The following RPL18 variants were observed in gnomAD, a reference collection of about 807,000 sequenced individuals.
RPL18 encodes ribosomal protein L18.
A neutral mutation model predicts 25.0 loss-of-function variants in RPL18; 4 were observed. That is an observed-to-expected ratio of 0.16 (90% CI 0.08 to 0.37). RPL18 has a LOEUF of 0.37. Among genes scored for constraint, RPL18 ranks in the 10% least tolerant of loss-of-function variants. The pLI, the probability that RPL18 is intolerant of heterozygous loss-of-function variation, is 1.00. For missense variants in RPL18, 179 were observed against 267.9 expected (o/e 0.67, Z 2.32); for synonymous variants, 129 against 101.6 (o/e 1.27, Z -1.62).
In RPL18 at chr19:48,616,016, G is replaced by A. The variant is rs911515343; in HGVS notation, c.421+63C>T. The A allele has an allele frequency of 6.8e-6, 11 of 1,613,716 alleles. No individual in the cohort carries two copies. In the East Asian group the frequency reaches 1.1e-4, roughly 16 times the overall value. On this transcript the variant is annotated intron_variant, in intron 5 of 6. Coordinates refer to ENST00000549920, the MANE Select transcript of RPL18 (RefSeq NM_000979.4). ...CCAGCTTCTGGCCTCCCAGATCCAGGAGGGTGAAGGCTGCCAGTAGCCACA... is the reference window on the plus strand; with the variant it reads ...CCAGCTTCTGGCCTCCCAGATCCAGAAGGGTGAAGGCTGCCAGTAGCCACA...
At position 48,617,864 on chromosome 19, in the gene RPL18, C is replaced by G. The variant is rs753278830; in HGVS notation, c.17G>C (p.Arg6Pro). Residue 6 changes from arginine to proline, a missense_variant, in exon 2 of 7, where the codon CGC becomes CCC. Coordinates refer to ENST00000549920, the MANE Select transcript of RPL18 (RefSeq NM_000979.4). Reference sequence around the variant, plus strand: ...CCGAACCTTTCGGTCCTTGTTATGGCGGATGTCCACTCCCTGTGGGGGTGA... The same window carrying G: ...CCGAACCTTTCGGTCCTTGTTATGGGGGATGTCCACTCCCTGTGGGGGTGA... MGVDI[R>P]HNKDRKVRRK... 1.9e-5 allele frequency: 30 copies of G among 1,613,848 alleles called. No homozygotes were observed. The highest frequency in any genetic ancestry group is 2.5e-5 in the Non-Finnish European group (29 of 1,179,750).
intron 2 of RPL18, 135 bp from the exon 3 acceptor site, chr19:48,617,558 G>C: frequency 1.3e-6 from 1 of 757,190 alleles, no homozygotes. Context: ...CCTAGAGGGA[G>C]AAAGCTGGCC....
intron 1 of RPL18, chr19:48,618,244 C>T (rs1241466607): frequency 9.5e-6 from 2 of 210,410 alleles, no homozygotes; most frequent in Admixed American, 1.1e-4. Context: ...AAAACGAATC[C>T]TTATTCAGAA....
intron 4 of RPL18, 153 bp from the exon 5 acceptor site, chr19:48,616,355 T>C: frequency 1.1e-6 from 1 of 888,686 alleles, no homozygotes. Flanking sequence ...GCAGCAGTTC[T>C]CAACACTTCC....
Position 48,616,821 on chromosome 19 carries a change from G to C in RPL18, c.202C>G (p.Arg68Gly), listed in dbSNP as rs374561441. ...RPPLSLSRMIRKMKLPGRENK... is the reference protein window; with the variant it reads ...RPPLSLSRMIGKMKLPGRENK... ...TCCCGGCCAGGAAGCTTCATCTTCC[G>C]GATCTTAGGGTGGGGAGGATGTACG... Residue 68 changes from arginine to glycine, a missense_variant, in exon 4 of 7, where the codon CGG becomes GGG. By Grantham distance (125) the Arg-to-Gly change is moderately radical. Transcript: ENST00000549920. 5 of 1,610,116 alleles carry C rather than the reference G, an allele frequency of 3.1e-6. No homozygotes were observed. The Admixed American group carries it at 5.0e-5, about 16-fold the overall frequency.
intron 4 of RPL18, chr19:48,616,462 G>A: frequency 1.5e-6 from 1 of 670,124 alleles, no homozygotes; most frequent in Non-Finnish European, 2.7e-6. Context: ...AAGGAGTCTA[G>A]ACTTGAGCCC....
intron 6 of RPL18, 25 bp from the exon 7 acceptor site, chr19:48,615,472 G>A (rs1480879021): frequency 2.5e-6 from 4 of 1,587,254 alleles, no homozygotes; most frequent in Admixed American, 1.7e-5. Flanking sequence ...GGGAGTGAGA[G>A]GGGGGCCCTC....
At chr19:48,618,725 G>A (rs1394811754) in intron 1 of RPL18, 2 of 240,680 alleles carry the variant, frequency 8.3e-6, no homozygotes, top group Non-Finnish European at 1.7e-5. Context: ...AGACCTGCCT[G>A]GTCCCCAAAT....
rs11382518 is a variant in RPL18 at position 48,616,995 on chromosome 19, T to TA, written c.199-172dup. Reference sequence around the variant, plus strand: ...AGGTCCAGCTGGGGAAAGCTCCAGATAAAAAAAAAAATGCAGACTGTTCAA... The same window carrying TA: ...AGGTCCAGCTGGGGAAAGCTCCAGATAAAAAAAAAAAATGCAGACTGTTCAA... On this transcript the variant is annotated intron_variant, in intron 3 of 6. Coordinates refer to ENST00000549920, the MANE Select transcript of RPL18 (RefSeq NM_000979.4). 65,177 of 579,556 alleles carry TA rather than the reference T, an allele frequency of 0.11. 1,011 individuals carry two copies. The highest frequency in any genetic ancestry group is 0.21 in the Admixed American group (9,451 of 43,996). 35.9% of individuals were successfully genotyped at this position (579,556 alleles called of 1,614,324 possible).
At chr19:48,618,252 G>A in intron 1 of RPL18, 1 of 203,340 alleles carries the variant, frequency 4.9e-6, no homozygotes, top group Non-Finnish European at 1.0e-5. Flanking sequence ...TCCTTATTCA[G>A]AACCTAGCAA....
In RPL18 at chr19:48,617,134, G is replaced by A. The variant is rs767143218; in HGVS notation, c.198+182C>T. The A allele has an allele frequency of 1.1e-5, 8 of 727,592 alleles. No individual in the cohort carries two copies. In the East Asian group the frequency reaches 1.8e-4, roughly 16 times the overall value. 45.1% of individuals were successfully genotyped at this position (727,592 alleles called of 1,614,324 possible). A position where few individuals can be genotyped will look rare whatever the true frequency, so the allele number is the denominator to read the frequency against. On this transcript the variant is annotated intron_variant, in intron 3 of 6. Coordinates refer to ENST00000549920, the MANE Select transcript of RPL18 (RefSeq NM_000979.4). ...AAAGAGAAGGAGAGGAGGACCAGGA[G>A]ACTTGCCCACTGCCCATGGACACTC...
At chr19:48,615,491 G>T in intron 6 of RPL18, 44 bp from the exon 7 acceptor site, 1 of 1,452,362 alleles carries the variant, frequency 6.9e-7, no homozygotes, top group Non-Finnish European at 9.6e-7. Flanking sequence ...TCTTAAAGGA[G>T]GCCATTGTGG....
chr19:48,616,033 G>C, intron 5 of RPL18, 46 bp downstream of exon 5: 1 of 1,613,936 alleles, frequency 6.2e-7, no homozygotes, highest in East Asian at 2.2e-5. Flanking sequence ...AAGGCTGCCA[G>C]TAGCCACACA....
chr19:48,616,320 CT>C, intron 4 of RPL18, 118 bp from the exon 5 acceptor site: 1 of 1,289,126 alleles, frequency 7.8e-7, no homozygotes, highest in Non-Finnish European at 1.1e-6. Context: ...CTATCGTTTA[CT>C]ACCCGGAGCA....
chr19:48,617,057 C>G, intron 3 of RPL18: 1 of 702,716 alleles, frequency 1.4e-6, no homozygotes, highest in Non-Finnish European at 2.6e-6. Flanking sequence ...ACATAAAACT[C>G]AGTTATGACT....
chr19:48,615,816 C>T, intron 6 of RPL18, 61 bp downstream of exon 6: 2 of 1,467,874 alleles, frequency 1.4e-6, no homozygotes, highest in Non-Finnish European at 1.9e-6. Flanking sequence ...CCAAGTGTGG[C>T]CAGGCCTGGC....
rs368395913 is a variant in RPL18, at chr19:48,619,161, G to T, written c.-18C>A. The T allele has an allele frequency of 1.9e-6, 3 of 1,588,072 alleles. No homozygotes were observed. Among genetic ancestry groups the T allele is most frequent in the Non-Finnish European group, 1.7e-6 (2 of 1,166,374 alleles). ...CTCACCATGATGGCGCCTCCTGCTC[G>T]GCCAGGTCCGGAAAGAGAGAACGGG... On this transcript the variant is annotated 5_prime_UTR_variant, in exon 1 of 7. Transcript: ENST00000549920.
intron 2 of RPL18, 68 bp downstream of exon 2, chr19:48,617,723 C>G (rs1974221929): frequency 3.1e-6 from 4 of 1,271,426 alleles, no homozygotes; most frequent in Non-Finnish European, 4.6e-6. Flanking sequence ...GGTGCCAGCA[C>G]TAGAATGGAG....
intron 5 of RPL18, 58 bp from the exon 6 acceptor site, chr19:48,616,004 T>G (rs1238763327): frequency 6.2e-7 from 1 of 1,613,126 alleles, no homozygotes; most frequent in Non-Finnish European, 8.5e-7. Flanking sequence ...GCTTCTGGCC[T>G]CCCAGATCCA....
Sources: gnomAD v4.1 joint callset for allele counts on GRCh38, gnomAD v4.1.1 for gene constraint, MANE v1.5 for transcripts, NCBI Gene and HGNC (gene_info 2026-07-23, HGNC 2026-07-21) for gene names.